VPS54: variants seen among roughly 807,000 people sequenced by gnomAD.
VPS54 encodes the protein vacuolar protein sorting-associated protein 54.
In VPS54, 45 loss-of-function variants were observed where a neutral mutation model predicts 121.5. The observed-to-expected ratio is 0.37, with a 90% CI of 0.29 to 0.47. The LOEUF (loss-of-function observed/expected upper bound fraction) is 0.47. Ranked by LOEUF, VPS54 falls within the 20% of genes least tolerant of loss-of-function variation. The pLI is 0.99. For synonymous variants in VPS54, 371 were observed against 385.8 expected, an observed-to-expected ratio of 0.96 and a Z score of 0.45; for missense variants, 1,090 against 1,131.4, an observed-to-expected ratio of 0.96 and a Z score of 0.52.
intron 1 of VPS54, among the ~76,000 whole-genome samples, chr2:64,010,595 A>C (rs977072006): frequency 2.6e-5 from 4 of 152,234 alleles, no homozygotes; most frequent in Non-Finnish European, 4.4e-5. Context: ...AACATTTTTG[A>C]AATGTAAAAG....
chr2:63,919,867 GA>G lies in VPS54; in HGVS notation c.2164+15del. ...AATATAAAATTGAAAGAGAATGTGTGAATGAATACACATACCTCCTGATTTT... is the reference window on the plus strand; with the variant it reads ...AATATAAAATTGAAAGAGAATGTGTGATGAATACACATACCTCCTGATTTT... On this transcript the variant is annotated intron_variant, in intron 15 of 22. Transcript: ENST00000272322. 1 of 1,565,252 alleles carries G rather than the reference GA, an allele frequency of 6.4e-7. No homozygotes were observed. Among genetic ancestry groups the G allele is most frequent in the Non-Finnish European group, 8.7e-7 (1 of 1,145,324 alleles).
intron 11 of VPS54, among the ~76,000 whole-genome samples, chr2:63,937,901 C>T (rs971374987): frequency 6.6e-6 from 1 of 152,072 alleles, no homozygotes; most frequent in African/African-American, 2.4e-5. Flanking sequence ...AAGCCAGTCA[C>T]AAAAGGATAA....
chr2:63,991,603 G>A (rs1677321636), intron 1 of VPS54, among the ~76,000 whole-genome samples: 1 of 152,166 alleles, frequency 6.6e-6, no homozygotes, highest in African/African-American at 2.4e-5. Flanking sequence ...CAACAAACAT[G>A]GCCAAATGCT....
intron 9 of VPS54, among the ~76,000 whole-genome samples, chr2:63,946,828 T>A (rs573007098): frequency 2.6e-5 from 4 of 152,162 alleles, no homozygotes; most frequent in South Asian, 2.1e-4. Flanking sequence ...CAAATCTTTT[T>A]AAATAGGAAT....
intron 1 of VPS54, among the ~76,000 whole-genome samples, chr2:63,994,356 G>T (rs537376457): frequency 6.6e-6 from 1 of 152,128 alleles, no homozygotes; most frequent in Non-Finnish European, 1.5e-5. Flanking sequence ...CTTTCACACT[G>T]ATTTACCGGC....
intron 11 of VPS54, among the ~76,000 whole-genome samples, chr2:63,940,332 G>A (rs1248819645): frequency 6.6e-6 from 1 of 152,102 alleles, no homozygotes; most frequent in Non-Finnish European, 1.5e-5. Flanking sequence ...CATATTTCAT[G>A]TCATCTGTAA....
chr2:63,975,226 C>T lies in VPS54; in HGVS notation c.379-2982G>A, dbSNP rs1676469025. On this transcript the variant is annotated intron_variant, in intron 3 of 22. Coordinates refer to ENST00000272322, the MANE Select transcript of VPS54 (RefSeq NM_016516.3). ...AACTGAGACAGTGAAAGAGATCTGA[C>T]CTAACCAACTCCATCTTGCTTCTAA... The T allele has an allele frequency of 1.8e-5, 9 of 486,842 alleles. No individual in the cohort carries two copies. In the Admixed American group the frequency reaches 1.9e-4, roughly 10 times the overall value. 30.2% of individuals were successfully genotyped at this position (486,842 alleles called of 1,614,324 possible). A position where few individuals can be genotyped will look rare whatever the true frequency, so the allele number is the denominator to read the frequency against.
intron 13 of VPS54, among the ~76,000 whole-genome samples, chr2:63,920,917 T>C (rs898841305): frequency 4.6e-5 from 7 of 152,088 alleles, no homozygotes; most frequent in African/African-American, 1.2e-4. Flanking sequence ...TATACATATA[T>C]AGACTTACTA....
At chr2:63,953,653 A>G (rs931911509) in intron 7 of VPS54, among the ~76,000 whole-genome samples, 1 of 152,204 alleles carries the variant, frequency 6.6e-6, no homozygotes, top group Admixed American at 6.5e-5. Flanking sequence ...GGTGGAGAAC[A>G]GTATGTACAG....
chr2:63,941,864 T>C (rs1674745552), intron 11 of VPS54, among the ~76,000 whole-genome samples: 1 of 151,824 alleles, frequency 6.6e-6, no homozygotes, highest in Non-Finnish European at 1.5e-5. Context: ...TGAAACCCCA[T>C]CTCTACTAAA....
chr2:63,900,492 G>A (rs985858419), intron 20 of VPS54, among the ~76,000 whole-genome samples: 3 of 152,068 alleles, frequency 2.0e-5, no homozygotes, highest in South Asian at 4.1e-4. Flanking sequence ...AATTCACACA[G>A]CTGAAGTTAT....
intron 11 of VPS54, among the ~76,000 whole-genome samples, chr2:63,941,804 C>T (rs527598031): frequency 2.6e-5 from 4 of 151,998 alleles, no homozygotes; most frequent in African/African-American, 4.8e-5. Context: ...GAGGCAGAGG[C>T]GGGCAGATCA....
intron 6 of VPS54, 135 bp downstream of exon 6, chr2:63,965,700 G>T: frequency 8.1e-7 from 1 of 1,227,196 alleles, no homozygotes; most frequent in Middle Eastern, 2.8e-4. Context: ...TTAAGATTGG[G>T]AGGCTTATAG....
chr2:63,972,370 T>C, intron 3 of VPS54, 126 bp from the exon 4 acceptor site: 1 of 577,892 alleles, frequency 1.7e-6, no homozygotes, highest in East Asian at 3.0e-5. Context: ...ATGAAATCAC[T>C]AGCCTCCTGA....
chr2:64,007,145 A>C (rs2104692864), intron 1 of VPS54, among the ~76,000 whole-genome samples: 1 of 152,332 alleles, frequency 6.6e-6, no homozygotes, highest in African/African-American at 2.4e-5. Context: ...ACTTTCAGAA[A>C]AGTCACCAAA....
chr2:63,990,338 C>T (rs977810042), intron 1 of VPS54, among the ~76,000 whole-genome samples: 1 of 148,348 alleles, frequency 6.7e-6, no homozygotes. Context: ...ACGACTCAGA[C>T]AGCCCGGGAC....
intron 7 of VPS54, among the ~76,000 whole-genome samples, chr2:63,961,816 T>C (rs1016775753): frequency 1.3e-5 from 2 of 152,180 alleles, no homozygotes; most frequent in African/African-American, 4.8e-5. Context: ...CTTGCATTTA[T>C]CTCATCTCCT....
Position 63,942,527 on chromosome 2 carries a change from G to T in VPS54, c.1336C>A (p.Gln446Lys). Residue 446 changes from glutamine (Q) to lysine (K), a missense_variant, in exon 11 of 23, where the codon CAG becomes AAG. Around this residue, in one of 2 missense-constraint regions of VPS54, gnomAD observed 801 missense variants for 757.0 expected, o/e 1.06. Transcript: ENST00000272322. ...ATATCCTTGAGCAGATCAAACCACT[G>T]GGGAAAATTCAACATTCTCATCTGA... The part of the protein sequence containing the change: ...ADQMRMLNFP[Q>K]WFDLLKDIFS... The T allele has an allele frequency of 6.3e-7, 1 of 1,596,270 alleles. No homozygotes were observed. The highest frequency in any genetic ancestry group is 8.5e-7 in the Non-Finnish European group (1 of 1,170,332).
chr2:63,981,963 T>C, intron 2 of VPS54, 76 bp from the exon 3 acceptor site: 2 of 1,457,282 alleles, frequency 1.4e-6, no homozygotes, highest in Non-Finnish European at 9.1e-7. Context: ...ACTAGAAAAC[T>C]AAAAATGCAC....
Sources: gnomAD v4.1 joint callset for allele counts (sites outside exome capture counted in the v4.1 genomes callset) on GRCh38, gnomAD v4.1.1 for gene constraint, gnomAD v4.1.1 regional missense constraint, MANE v1.5 for transcripts, NCBI Gene and HGNC (gene_info 2026-07-23, HGNC 2026-07-21) for gene names.